Variants in USP32 observed in about 807,000 individuals in gnomAD.
USP32 encodes ubiquitin carboxyl-terminal hydrolase 32.
Under a neutral mutation model 204.8 loss-of-function variants are expected in USP32, and 59 were observed. The ratio of observed to expected loss-of-function variants is 0.29; its 90% CI spans 0.23 to 0.36. USP32 has a LOEUF of 0.36. Ranked by LOEUF, USP32 falls within the 10% of genes least tolerant of loss-of-function variation. The pLI is 1.00. For missense variants in USP32, 1,160 were observed against 1,946.4 expected (o/e 0.60, Z 7.60); for synonymous variants, 517 against 678.4 (o/e 0.76, Z 3.70).
intron 1 of USP32, among the ~76,000 whole-genome samples, chr17:60,384,234 T>C (rs139543169): frequency 5.9e-5 from 9 of 152,318 alleles, no homozygotes; most frequent in African/African-American, 1.9e-4. Context: ...CTTTTCATAA[T>C]GTAATCTCTC....
At chr17:60,266,241 T>A (rs2086588435) in intron 7 of USP32, 150 bp from the exon 8 acceptor site, 1 of 582,658 alleles carries the variant, frequency 1.7e-6, no homozygotes, top group Non-Finnish European at 3.0e-6. Context: ...AACTATATTA[T>A]GTCATTATAG....
chr17:60,405,476 AT>A (rs1328874385), intron 1 of USP32, among the ~76,000 whole-genome samples: 1 of 152,146 alleles, frequency 6.6e-6, no homozygotes, highest in African/African-American at 2.4e-5. Flanking sequence ...AAGTGCTAGG[AT>A]TACAGGCATG....
At chr17:60,323,238 C>T (rs568340546) in intron 2 of USP32, among the ~76,000 whole-genome samples, 1 of 151,836 alleles carries the variant, frequency 6.6e-6, no homozygotes, top group South Asian at 2.1e-4. Context: ...TGGAAATAAC[C>T]CAAATATTCA....
chr17:60,200,996 A>T (rs1397573722), intron 26 of USP32, among the ~76,000 whole-genome samples: 2 of 152,120 alleles, frequency 1.3e-5, no homozygotes, highest in African/African-American at 4.8e-5. Flanking sequence ...AGTAGCTGGG[A>T]CTACAGGTGT....
chr17:60,321,184 T>A (rs537024399), intron 2 of USP32, among the ~76,000 whole-genome samples: 1 of 152,284 alleles, frequency 6.6e-6, no homozygotes, highest in East Asian at 1.9e-4. Flanking sequence ...TGTATATGAA[T>A]GGATATAAGC....
At chr17:60,313,373 A>C (rs1479602422) in intron 2 of USP32, among the ~76,000 whole-genome samples, 1 of 152,188 alleles carries the variant, frequency 6.6e-6, no homozygotes, top group East Asian at 1.9e-4. Context: ...TCTTTAGTGC[A>C]GAGTCCAATA....
chr17:60,409,183 A>T (rs1024614678), intron 1 of USP32, among the ~76,000 whole-genome samples: 8 of 152,140 alleles, frequency 5.3e-5, no homozygotes, highest in African/African-American at 1.7e-4. Flanking sequence ...CCCTGTCTCT[A>T]CTAAAAATAC....
Position 60,302,141 on chromosome 17 carries a change from A to ATTTG in USP32, c.187-438_187-437insCAAA, listed in dbSNP as rs1299136142. 8.8e-3 allele frequency among the ~76,000 whole-genome samples: 1,273 copies of ATTTG among 145,132 alleles called. 19 individuals carry two copies. The highest frequency in any genetic ancestry group is 0.031 in the African/African-American group (1,188 of 37,792). On this transcript the variant is annotated intron_variant, in intron 2 of 33. Transcript: ENST00000300896. ...TATTTATTTATTTATTTATTTATTT[A>ATTTG]TTTATTTATTTGAGATGGAGTTTTG...
chr17:60,192,242 G>A (rs1196696159), intron 28 of USP32, among the ~76,000 whole-genome samples: 2 of 152,050 alleles, frequency 1.3e-5, no homozygotes, highest in African/African-American at 4.8e-5. Context: ...AGTGAGCTGA[G>A]ATTGAGCCAC....
At chr17:60,256,944 T>G (rs1043393474) in intron 9 of USP32, 2 of 354,248 alleles carry the variant, frequency 5.6e-6, no homozygotes, top group Non-Finnish European at 1.1e-5. Context: ...TTCATCATTC[T>G]AAGAAATATA....
chr17:60,220,826 T>C (rs910712122), intron 15 of USP32, among the ~76,000 whole-genome samples: 8 of 151,954 alleles, frequency 5.3e-5, no homozygotes, highest in Non-Finnish European at 1.2e-4. Flanking sequence ...TTTTTGTATT[T>C]TTAGTAGAGA....
chr17:60,305,346 C>G (rs1344673003), intron 2 of USP32: 22 of 152,084 alleles, frequency 1.4e-4, no homozygotes, highest in Admixed American at 1.4e-3. Context: ...AAGTACCAGG[C>G]TCCTTTAAAC....
intron 9 of USP32, among the ~76,000 whole-genome samples, chr17:60,261,796 T>C (rs1483390695): frequency 6.6e-6 from 1 of 152,238 alleles, no homozygotes; most frequent in African/African-American, 2.4e-5. Context: ...TAAAAAGTAT[T>C]TTTAAGATGA....
intron 1 of USP32, chr17:60,421,863 G>C: frequency 1.0e-6 from 1 of 985,480 alleles, no homozygotes; most frequent in Non-Finnish European, 1.2e-6. Context: ...CACGAGGCCG[G>C]CGACGGGACT....
At chr17:60,237,068 G>A (rs1404243398) in intron 11 of USP32, among the ~76,000 whole-genome samples, 1 of 151,754 alleles carries the variant, frequency 6.6e-6, no homozygotes, top group East Asian at 1.9e-4. Flanking sequence ...AATTCTAGTG[G>A]GTGTGAAACA....
intron 2 of USP32, among the ~76,000 whole-genome samples, chr17:60,311,464 T>A (rs2145918547): frequency 6.6e-6 from 1 of 152,308 alleles, no homozygotes; most frequent in East Asian, 1.9e-4. Context: ...GTCTGTATTG[T>A]CAAAGAAAAA....
At chr17:60,349,596 A>AATATATATATATATATATATAT (rs1187939098) in intron 1 of USP32, among the ~76,000 whole-genome samples, 1 of 65,180 alleles carries the variant, frequency 1.5e-5, no homozygotes, top group Non-Finnish European at 2.5e-5. Flanking sequence ...AAAAAAAAAA[A>AATATATATATATATATATATAT]ATATATATAT....
At position 60,381,684 on chromosome 17, in the gene USP32, T is replaced by C. The variant is rs144967178; in HGVS notation, c.58+10198A>G. ...TGAACACTGTGTACCCTTGCAAATGTTGCTTTCTAGATCTTGAAATGTTCT... is the reference window on the plus strand; with the variant it reads ...TGAACACTGTGTACCCTTGCAAATGCTGCTTTCTAGATCTTGAAATGTTCT... On this transcript the variant is annotated intron_variant, in intron 1 of 33. Coordinates refer to ENST00000300896, the MANE Select transcript of USP32 (RefSeq NM_032582.4). 2.6e-3 allele frequency among the ~76,000 whole-genome samples: 397 copies of C among 152,334 alleles called. 2 individuals are homozygous for C. The highest frequency in any genetic ancestry group is 8.4e-3 in the African/African-American group (351 of 41,578).
At chr17:60,193,751 A>G (rs765409399) in intron 27 of USP32, among the ~76,000 whole-genome samples, 47 of 152,200 alleles carry the variant, frequency 3.1e-4, no homozygotes, top group Non-Finnish European at 6.3e-4. Context: ...TAATGAAACC[A>G]TGATAAAGAG....
Sources: gnomAD v4.1 joint callset for allele counts (sites outside exome capture counted in the v4.1 genomes callset) on GRCh38, gnomAD v4.1.1 for gene constraint, MANE v1.5 for transcripts, NCBI Gene and HGNC (gene_info 2026-07-23, HGNC 2026-07-21) for gene names.